NAV3: variants seen among roughly 807,000 people sequenced by gnomAD.
The protein encoded by NAV3 is neuron navigator 3.
A neutral mutation model predicts 244.7 loss-of-function variants in NAV3; 87 were observed. The ratio of observed to expected loss-of-function variants is 0.36; its 90% CI spans 0.30 to 0.42. The LOEUF is 0.42. Ranked by LOEUF, NAV3 falls within the 20% of genes least tolerant of loss-of-function variation. The probability of loss-of-function intolerance (pLI) is 1.00; values close to 1 mark genes in which losing one functional copy is unlikely to be tolerated. For synonymous variants in NAV3, 1,126 were observed against 1,042.2 expected (o/e 1.08, Z -1.55); for missense variants, 2,663 against 2,893.3 (o/e 0.92, Z 1.83).
intron 2 of NAV3, among the ~76,000 whole-genome samples, chr12:77,658,640 C>G (rs1437258174): frequency 6.6e-6 from 1 of 152,054 alleles, no homozygotes; most frequent in Non-Finnish European, 1.5e-5. Flanking sequence ...AAAAGGAGCC[C>G]GCATTGCCAA....
At chr12:78,106,662 C>T (rs1954818606) in intron 12 of NAV3, among the ~76,000 whole-genome samples, 2 of 152,178 alleles carry the variant, frequency 1.3e-5, no homozygotes, top group African/African-American at 4.8e-5. Context: ...TTCTGTCAGC[C>T]ACATCACGAC....
intron 1 of NAV3, among the ~76,000 whole-genome samples, chr12:77,905,619 A>G (rs1885884685): frequency 6.6e-6 from 1 of 152,112 alleles, no homozygotes; most frequent in Admixed American, 6.6e-5. Context: ...ACATATTTAT[A>G]TCTTCTGTAT....
intron 8 of NAV3, among the ~76,000 whole-genome samples, chr12:78,019,225 T>C (rs12426778): frequency 0.057 from 8,740 of 152,228 alleles, 236 homozygotes; most frequent in African/African-American, 0.08. Context: ...AGTGATGGGG[T>C]CAAGTTTTAC....
chr12:78,056,221 T>C (rs938846348), intron 11 of NAV3: 3 of 152,230 alleles, frequency 2.0e-5, no homozygotes, highest in African/African-American at 7.2e-5. Flanking sequence ...CAGCAGATGA[T>C]GAGGCTGGTC....
At chr12:78,087,278 A>T (rs1229618192) in intron 12 of NAV3, among the ~76,000 whole-genome samples, 2 of 152,050 alleles carry the variant, frequency 1.3e-5, no homozygotes, top group African/African-American at 4.8e-5. Context: ...TTTGTAACAG[A>T]CCTTGACATG....
chr12:77,820,597 T>A (rs1872699125), intron 2 of NAV3, among the ~76,000 whole-genome samples: 1 of 152,184 alleles, frequency 6.6e-6, no homozygotes, highest in Non-Finnish European at 1.5e-5. Flanking sequence ...TTGCAATGTC[T>A]GACAGAGAGA....
chr12:77,831,238 T>C lies in NAV3; in HGVS notation c.-224T>C, dbSNP rs11106902. 2.9e-6 allele frequency: 1 copy of C among 340,666 alleles called. No homozygotes were observed. The highest frequency in any genetic ancestry group is 5.1e-6 in the Non-Finnish European group (1 of 195,572). 21.1% of individuals were successfully genotyped at this position (340,666 alleles called of 1,614,324 possible). ...GAGAGAAAGAGAGAGAGAGAGAGAA[T>C]GAGAATGAATATGAATCCCAGCCAG... On this transcript the variant is annotated 5_prime_UTR_variant, in exon 1 of 40. It removes an upstream start codon present in the reference 5' UTR. Transcript: ENST00000397909.
intron 12 of NAV3, among the ~76,000 whole-genome samples, chr12:78,106,670 G>A (rs758469130): frequency 7.2e-5 from 11 of 152,236 alleles, no homozygotes; most frequent in South Asian, 2.1e-4. Flanking sequence ...GCCACATCAC[G>A]ACAGCTGCCC....
intron 30 of NAV3, among the ~76,000 whole-genome samples, chr12:78,184,329 T>C (rs1287681414): frequency 6.6e-6 from 1 of 151,870 alleles, no homozygotes; most frequent in Admixed American, 6.6e-5. Flanking sequence ...TAGATGTGAA[T>C]AGCCAATGGT....
chr12:78,119,256 A>G lies in NAV3; in HGVS notation c.3060A>G (p.Lys1020=). ...LKTPGKTDDA[K]ASEKGKAPLK... ...AATTAGGGAAAACCGATGATGCCAA[A>G]GCTTCTGAGAAAGGAAAAGCTCCCC... The change falls in exon 15 of 40, where the codon AAA becomes AAG. Residue 1020 remains lysine (K), a synonymous_variant. Transcript: ENST00000397909. The G allele has an allele frequency of 6.2e-7, 1 of 1,612,426 alleles. No individual in the cohort carries two copies.
At chr12:77,771,834 G>T (rs1870105593) in intron 2 of NAV3, among the ~76,000 whole-genome samples, 1 of 151,936 alleles carries the variant, frequency 6.6e-6, no homozygotes, top group Non-Finnish European at 1.5e-5. Context: ...AATGGGTGCA[G>T]CACACCGACA....
intron 22 of NAV3, among the ~76,000 whole-genome samples, chr12:78,151,627 G>A (rs993271685): frequency 4.9e-4 from 75 of 151,890 alleles, no homozygotes; most frequent in African/African-American, 1.8e-3. Flanking sequence ...AAGGGCTAAG[G>A]ATGAAGGAGA....
rs73346654 is a variant in NAV3 at position 77,990,275 on chromosome 12, G to A, written c.672-4528G>A. Among the ~76,000 whole-genome samples, 1,090 of 152,288 alleles carry A rather than the reference G, an allele frequency of 7.2e-3. 14 individuals carry two copies. Among genetic ancestry groups the A allele is most frequent in the African/African-American group, 0.025 (1,049 of 41,556 alleles). On this transcript the variant is annotated intron_variant, in intron 5 of 39. Coordinates refer to ENST00000397909, the MANE Select transcript of NAV3 (RefSeq NM_001024383.2). ...AACTGGGGGTTTATATAGTGGGGAA[G>A]GCATGTGGCTACATGCAGAAAAGCA...
intron 9 of NAV3, among the ~76,000 whole-genome samples, chr12:78,032,391 T>C (rs1017143047): frequency 6.6e-6 from 1 of 152,182 alleles, no homozygotes; most frequent in Non-Finnish European, 1.5e-5. Context: ...GGTAATAAAT[T>C]ATGGTTTGAA....
chr12:77,989,130 A>T (rs145646645), intron 5 of NAV3, among the ~76,000 whole-genome samples: 1 of 152,144 alleles, frequency 6.6e-6, no homozygotes, highest in African/African-American at 2.4e-5. Context: ...GATTTTTAAG[A>T]TTACAGTAAT....
chr12:78,022,848 C>T (rs1877385918), intron 9 of NAV3, among the ~76,000 whole-genome samples: 1 of 152,068 alleles, frequency 6.6e-6, no homozygotes, highest in Non-Finnish European at 1.5e-5. Context: ...GAACAACATC[C>T]CAAGGGTACA....
At chr12:77,858,577 A>G (rs1878743442) in intron 1 of NAV3, among the ~76,000 whole-genome samples, 1 of 152,092 alleles carries the variant, frequency 6.6e-6, no homozygotes, top group Admixed American at 6.6e-5. Context: ...GCCATATTTT[A>G]TTACACTATC....
chr12:78,047,253 C>T (rs547958216), intron 9 of NAV3, among the ~76,000 whole-genome samples: 63 of 152,022 alleles, frequency 4.1e-4, no homozygotes, highest in African/African-American at 1.4e-3. Flanking sequence ...TTTGAGAGGC[C>T]GAGGCAGGCG....
intron 5 of NAV3, among the ~76,000 whole-genome samples, chr12:77,985,635 G>A (rs1870375250): frequency 6.6e-6 from 1 of 151,746 alleles, no homozygotes. Context: ...CACGAGCGAT[G>A]TTCAACCTCA....
Sources: gnomAD v4.1 joint callset for allele counts (sites outside exome capture counted in the v4.1 genomes callset) on GRCh38, gnomAD v4.1.1 for gene constraint, MANE v1.5 for transcripts, NCBI Gene and HGNC (gene_info 2026-07-23, HGNC 2026-07-21) for gene names.